The following HEATR5A variants were observed in gnomAD, a reference collection of about 807,000 sequenced individuals.
HEATR5A encodes HEAT repeat-containing protein 5A.
HEATR5A carries 178 observed loss-of-function variants against 218.8 expected under a neutral mutation model. The observed-to-expected ratio is 0.81, with a 90% confidence interval of 0.72 to 0.92. The LOEUF (loss-of-function observed/expected upper bound fraction) is 0.92. HEATR5A is among the 40% of genes least tolerant of loss of function. The pLI is 0.00. For missense variants in HEATR5A, 2,420 were observed against 2,418.9 expected, an observed-to-expected ratio of 1.00 and a Z score of -0.01; for synonymous variants, 864 against 871.6, an observed-to-expected ratio of 0.99 and a Z score of 0.15.
At position 31,403,031 on chromosome 14, in the gene HEATR5A, T is replaced by C. The variant is rs2030935092; in HGVS notation, c.-56A>G. The C allele has an allele frequency of 6.8e-7, 1 of 1,464,164 alleles. No individual in the cohort carries two copies. The highest frequency in any genetic ancestry group is 9.1e-7 in the Non-Finnish European group (1 of 1,103,120). The allele number at this position is 1,464,164 out of a possible 1,614,324, so 90.7% of individuals were successfully genotyped here. A position where few individuals can be genotyped will look rare whatever the true frequency, so the allele number is the denominator to read the frequency against. On this transcript the variant is annotated 5_prime_UTR_variant, in exon 2 of 36. The change creates a new upstream start codon in the 5' untranslated region. Coordinates refer to ENST00000543095, the MANE Select transcript of HEATR5A (RefSeq NM_015473.4). ...GTTCTTCTCGTTAAACTTTGGTCAA[T>C]ATACCTAACAATAAAAATCTGCAAT...
intron 22 of HEATR5A, among the ~76,000 whole-genome samples, chr14:31,331,644 A>C (rs1427648791): frequency 6.6e-6 from 1 of 152,224 alleles, no homozygotes; most frequent in Non-Finnish European, 1.5e-5. Flanking sequence ...TCACACTGCT[A>C]TAAAGAGATA....
rs148664858 is a variant in HEATR5A, at chr14:31,386,315, A to G, written c.1345+105T>C. 4.2e-4 allele frequency: 332 copies of G among 781,314 alleles called. No homozygotes were observed. In the African/African-American group the frequency reaches 5.6e-3, roughly 13 times the overall value. 48.4% of individuals were successfully genotyped at this position (781,314 alleles called of 1,614,324 possible). ...ATAAATTTTTCATAAAACATTTCTCATAAATCTATAATGGAATCTATAAGT... is the reference window on the plus strand; with the variant it reads ...ATAAATTTTTCATAAAACATTTCTCGTAAATCTATAATGGAATCTATAAGT... On this transcript the variant is annotated intron_variant, in intron 9 of 35. Coordinates refer to ENST00000543095, the MANE Select transcript of HEATR5A (RefSeq NM_015473.4).
chr14:31,342,738 A>G (rs1230985505), intron 21 of HEATR5A, among the ~76,000 whole-genome samples: 1 of 152,222 alleles, frequency 6.6e-6, no homozygotes, highest in Non-Finnish European at 1.5e-5. Context: ...GCCACCACTT[A>G]GGTGAGCTAG....
chr14:31,349,951 C>G lies in HEATR5A; in HGVS notation c.2546G>C (p.Gly849Ala). The G allele has an allele frequency of 6.3e-7, 1 of 1,593,676 alleles. No homozygotes were observed. The highest frequency in any genetic ancestry group is 2.3e-5 in the East Asian group (1 of 44,412). Residue 849 changes from glycine (G) to alanine (A), a missense_variant, in exon 18 of 36, where the codon GGT (glycine) becomes GCT (alanine). Gly to Ala is a moderately conservative substitution (Grantham distance 60). Transcript: ENST00000543095. ...GGCAAATCTTTTCATTTCTTCTGGACCTAAACATCCCTTGGAGCCAGCCAC... is the reference window on the plus strand; with the variant it reads ...GGCAAATCTTTTCATTTCTTCTGGAGCTAAACATCCCTTGGAGCCAGCCAC... The part of the protein sequence containing the change: ...KYVAGSKGCL[G>A]PEEMKRFALT...
intron 28 of HEATR5A, 93 bp downstream of exon 28, chr14:31,312,875 G>T: frequency 9.3e-7 from 1 of 1,076,432 alleles, no homozygotes; most frequent in South Asian, 1.6e-5. Context: ...TCCAGCCTGG[G>T]AAACAAAGTA....
intron 11 of HEATR5A, among the ~76,000 whole-genome samples, chr14:31,380,245 T>C (rs2029927145): frequency 6.6e-6 from 1 of 152,218 alleles, no homozygotes; most frequent in South Asian, 2.1e-4. Context: ...TTGAGGCTTA[T>C]CATCTAGCCC....
chr14:31,414,643 C>CTGT (rs2031387606), intron 1 of HEATR5A, among the ~76,000 whole-genome samples: 1 of 152,152 alleles, frequency 6.6e-6, no homozygotes, highest in Admixed American at 6.5e-5. Context: ...ATCCTTGCAT[C>CTGT]TGTTGCTTGT....
At chr14:31,400,941 G>A (rs1036793819) in intron 2 of HEATR5A, among the ~76,000 whole-genome samples, 5 of 151,534 alleles carry the variant, frequency 3.3e-5, no homozygotes, top group Non-Finnish European at 2.9e-5. Context: ...CTGGGTTCAC[G>A]CCATTCTCCT....
At chr14:31,352,780 A>G (rs1038783644) in intron 16 of HEATR5A, among the ~76,000 whole-genome samples, 1 of 152,098 alleles carries the variant, frequency 6.6e-6, no homozygotes, top group African/African-American at 2.4e-5. Flanking sequence ...CAACATGGTG[A>G]AACTCCATCT....
At chr14:31,310,674 A>G (rs1237300855) in intron 28 of HEATR5A, among the ~76,000 whole-genome samples, 4 of 152,016 alleles carry the variant, frequency 2.6e-5, no homozygotes, top group African/African-American at 9.7e-5. Context: ...AAATAAATAA[A>G]TAATTTTTTT....
intron 14 of HEATR5A, among the ~76,000 whole-genome samples, chr14:31,359,563 G>GT (rs1370341112): frequency 2.0e-5 from 3 of 150,464 alleles, no homozygotes; most frequent in Non-Finnish European, 4.4e-5. Flanking sequence ...CCCATCTTTA[G>GT]TAAAAACACA....
chr14:31,366,216 G>T (rs895017501), intron 13 of HEATR5A, among the ~76,000 whole-genome samples: 1 of 152,098 alleles, frequency 6.6e-6, no homozygotes, highest in African/African-American at 2.4e-5. Flanking sequence ...TGAGGATATG[G>T]TGAGCTATGA....
intron 22 of HEATR5A, chr14:31,334,453 A>G: frequency 2.2e-6 from 1 of 456,166 alleles, no homozygotes; most frequent in Non-Finnish European, 4.4e-6. Context: ...AGATGCTGTG[A>G]ACACTGTTGA....
chr14:31,414,690 A>G (rs548174092), intron 1 of HEATR5A, among the ~76,000 whole-genome samples: 24 of 152,270 alleles, frequency 1.6e-4, no homozygotes, highest in African/African-American at 5.8e-4. Context: ...TTTAGGCATT[A>G]GACTCTACCT....
intron 1 of HEATR5A, among the ~76,000 whole-genome samples, 156 bp from the exon 2 acceptor site, chr14:31,403,205 C>A (rs2030940228): frequency 6.6e-6 from 1 of 152,048 alleles, no homozygotes; most frequent in South Asian, 2.1e-4. Flanking sequence ...CTAGTTAACA[C>A]TGACATAAAA....
intron 9 of HEATR5A, among the ~76,000 whole-genome samples, chr14:31,386,150 G>A (rs1039003126): frequency 1.3e-5 from 2 of 152,212 alleles, no homozygotes; most frequent in African/African-American, 4.8e-5. Context: ...TGCAGATGCA[G>A]AGAAAGTTCA....
At chr14:31,356,441 C>G (rs773437930) in intron 16 of HEATR5A, among the ~76,000 whole-genome samples, 1 of 152,096 alleles carries the variant, frequency 6.6e-6, no homozygotes, top group Non-Finnish European at 1.5e-5. Flanking sequence ...TTGCATGTTG[C>G]CTAGGCTGCT....
intron 7 of HEATR5A, among the ~76,000 whole-genome samples, chr14:31,388,410 T>C (rs1300554211): frequency 6.6e-6 from 1 of 152,228 alleles, no homozygotes; most frequent in Non-Finnish European, 1.5e-5. Flanking sequence ...GATGAAAAAT[T>C]TAAGCACTGA....
At chr14:31,350,864 A>C in intron 16 of HEATR5A, 147 bp from the exon 17 acceptor site, 1 of 542,172 alleles carries the variant, frequency 1.8e-6, no homozygotes, top group Non-Finnish European at 3.3e-6. Context: ...TACAACCTCC[A>C]CCTTCCTGGC....
Sources: gnomAD v4.1 joint callset for allele counts (sites outside exome capture counted in the v4.1 genomes callset) on GRCh38, gnomAD v4.1.1 for gene constraint, MANE v1.5 for transcripts, NCBI Gene and HGNC (gene_info 2026-07-23, HGNC 2026-07-21) for gene names.